FHIT: variants seen among roughly 807,000 people sequenced by gnomAD.
FHIT encodes bis(5'-adenosyl)-triphosphatase.
A neutral mutation model predicts 17.9 loss-of-function variants in FHIT; 19 were observed. That is an observed-to-expected ratio of 1.06 (90% CI 0.74 to 1.56). FHIT has a LOEUF of 1.56. Ranked by LOEUF, FHIT falls within the 40% of genes most tolerant of loss-of-function variation. The pLI, the probability that FHIT is intolerant of heterozygous loss-of-function variation, is 0.00. For missense variants in FHIT, 248 were observed against 189.2 expected (o/e 1.31, Z -1.82); for synonymous variants, 81 against 69.7 (o/e 1.16, Z -0.81).
At chr3:60,019,937 G>A (rs77209480) in intron 5 of FHIT, among the ~76,000 whole-genome samples, 155 of 152,298 alleles carry the variant, frequency 1.0e-3, no homozygotes, top group African/African-American at 3.7e-3. Flanking sequence ...ACTTATGGCA[G>A]AATAATCGAC....
intron 2 of FHIT, among the ~76,000 whole-genome samples, chr3:61,115,515 A>G (rs1170156245): frequency 1.3e-5 from 2 of 152,136 alleles, no homozygotes; most frequent in African/African-American, 4.8e-5. Flanking sequence ...AAGGAAGGAA[A>G]ATGAACAAAT....
At chr3:61,122,953 C>G (rs2036501592) in intron 2 of FHIT, among the ~76,000 whole-genome samples, 1 of 152,148 alleles carries the variant, frequency 6.6e-6, no homozygotes, top group South Asian at 2.1e-4. Context: ...GGCGATTCCT[C>G]AAGGATCTAG....
At chr3:60,369,900 C>G (rs1217954828) in intron 5 of FHIT, among the ~76,000 whole-genome samples, 3 of 152,126 alleles carry the variant, frequency 2.0e-5, no homozygotes, top group African/African-American at 7.2e-5. Context: ...AATACAAAGA[C>G]AAGTTCAACA....
intron 5 of FHIT, among the ~76,000 whole-genome samples, chr3:60,041,390 G>T (rs1701433940): frequency 6.6e-6 from 1 of 152,132 alleles, no homozygotes; most frequent in African/African-American, 2.4e-5. Context: ...CTTTCAGACA[G>T]CAATAATTTA....
intron 8 of FHIT, among the ~76,000 whole-genome samples, chr3:59,834,968 A>G (rs2106721106): frequency 6.6e-6 from 1 of 152,264 alleles, no homozygotes; most frequent in Non-Finnish European, 1.5e-5. Context: ...TGTTGGTGGT[A>G]ATTTTCTTGT....
chr3:60,479,706 A>G (rs1341235804), intron 5 of FHIT, among the ~76,000 whole-genome samples: 1 of 152,184 alleles, frequency 6.6e-6, no homozygotes, highest in Admixed American at 6.5e-5. Context: ...CTCCTGTCAG[A>G]TCAGAGTCGG....
At chr3:59,905,076 C>G (rs546110119) in intron 8 of FHIT, among the ~76,000 whole-genome samples, 3 of 152,370 alleles carry the variant, frequency 2.0e-5, no homozygotes, top group African/African-American at 4.8e-5. Context: ...GCTTTAAACT[C>G]TCTTCCACTT....
At chr3:59,789,031 G>C (rs1575496323) in intron 8 of FHIT, among the ~76,000 whole-genome samples, 1 of 152,098 alleles carries the variant, frequency 6.6e-6, no homozygotes, top group East Asian at 1.9e-4. Flanking sequence ...CGCACTGCGT[G>C]CTAGTTTATC....
intron 5 of FHIT, among the ~76,000 whole-genome samples, chr3:60,419,112 A>G (rs1046959961): frequency 2.6e-5 from 4 of 152,198 alleles, no homozygotes; most frequent in African/African-American, 9.6e-5. Context: ...CCGTGCAGTC[A>G]GGCAAGTGTG....
At chr3:60,062,384 T>C (rs1702328963) in intron 5 of FHIT, among the ~76,000 whole-genome samples, 1 of 152,204 alleles carries the variant, frequency 6.6e-6, no homozygotes, top group South Asian at 2.1e-4. Context: ...CGTAACACTC[T>C]TATTTTCTAA....
intron 5 of FHIT, among the ~76,000 whole-genome samples, chr3:60,319,684 G>A (rs957672212): frequency 6.6e-6 from 1 of 152,144 alleles, no homozygotes; most frequent in South Asian, 2.1e-4. Flanking sequence ...CAGCAGCACA[G>A]CCACAATGAA....
chr3:60,181,145 ATTTT>A (rs199935934), intron 5 of FHIT, among the ~76,000 whole-genome samples: 4 of 125,572 alleles, frequency 3.2e-5, no homozygotes, highest in Non-Finnish European at 4.9e-5. Flanking sequence ...AATTTTTTTA[ATTTT>A]TTTTTTTTTT....
At chr3:60,746,079 T>A (rs2042350035) in intron 4 of FHIT, among the ~76,000 whole-genome samples, 1 of 152,248 alleles carries the variant, frequency 6.6e-6, no homozygotes, top group South Asian at 2.1e-4. Flanking sequence ...GCACTGCACC[T>A]GATTTTTTAA....
chr3:60,204,195 AAT>A (rs772860166), intron 5 of FHIT, among the ~76,000 whole-genome samples: 10 of 152,208 alleles, frequency 6.6e-5, no homozygotes, highest in Non-Finnish European at 1.5e-4. Context: ...GTACTCCATT[AAT>A]ATATATACCT....
intron 8 of FHIT, among the ~76,000 whole-genome samples, chr3:59,821,616 G>C (rs935154304): frequency 1.6e-4 from 25 of 152,136 alleles, no homozygotes; most frequent in Admixed American, 1.6e-3. Flanking sequence ...TGGCTTACCA[G>C]TGCAGCATTC....
intron 3 of FHIT, among the ~76,000 whole-genome samples, chr3:60,924,498 C>G (rs1314736013): frequency 3.3e-5 from 5 of 152,162 alleles, no homozygotes; most frequent in Admixed American, 6.5e-5. Flanking sequence ...GCTGAGAGTC[C>G]TGACTGTTAG....
chr3:59,780,102 G>C (rs1452481510), intron 8 of FHIT, among the ~76,000 whole-genome samples: 3 of 152,130 alleles, frequency 2.0e-5, no homozygotes, highest in African/African-American at 4.8e-5. Context: ...GCTGTCTCCT[G>C]CCATGTCGCT....
At chr3:59,925,506 T>C (rs759760843) in intron 7 of FHIT, among the ~76,000 whole-genome samples, 3 of 152,154 alleles carry the variant, frequency 2.0e-5, no homozygotes, top group African/African-American at 7.2e-5. Context: ...ACTACTAACA[T>C]ATGGGGGGTT....
At chr3:61,086,755 C>G (rs78215792) in intron 2 of FHIT, among the ~76,000 whole-genome samples, 11,764 of 152,074 alleles carry the variant, frequency 0.077, 558 homozygotes, top group Middle Eastern at 0.16. Flanking sequence ...GCTACCCTAT[C>G]ATTACCAGAA....
Sources: allele counts gnomAD v4.1 joint callset (sites outside exome capture counted in the v4.1 genomes callset), GRCh38; gene constraint gnomAD v4.1.1; transcripts MANE v1.5; gene names NCBI Gene and HGNC (gene_info 2026-07-23, HGNC 2026-07-21).